The following BACH1 variants were observed in gnomAD, a reference collection of about 807,000 sequenced individuals.
The protein encoded by BACH1 is transcription regulator protein BACH1.
In BACH1, 35 loss-of-function variants were observed where a neutral mutation model predicts 52.9. The observed-to-expected ratio is 0.66, with a 90% confidence interval of 0.51 to 0.88. The LOEUF is 0.88. Ranked by LOEUF, BACH1 falls within the 40% of genes least tolerant of loss-of-function variation. The pLI, the probability that BACH1 is intolerant of heterozygous loss-of-function variation, is 0.00. For synonymous variants in BACH1, 321 were observed against 319.6 expected, an observed-to-expected ratio of 1.00 and a Z score of -0.05; for missense variants, 808 against 872.6, an observed-to-expected ratio of 0.93 and a Z score of 0.93.
chr21:29,352,838 A>G (rs1024182708), intron 2 of BACH1, among the ~76,000 whole-genome samples: 4 of 151,928 alleles, frequency 2.6e-5, no homozygotes, highest in Non-Finnish European at 5.9e-5. Flanking sequence ...CAGCCTCCCA[A>G]GTAGCTGGGA....
At chr21:29,325,929 A>G in intron 2 of BACH1, 130 bp from the exon 3 acceptor site, 2 of 1,007,538 alleles carry the variant, frequency 2.0e-6, no homozygotes, top group Non-Finnish European at 2.7e-6. Flanking sequence ...GTTTTCTTCA[A>G]ATTAAAGTAC....
chr21:29,352,486 A>G (rs920243353), intron 2 of BACH1: 1 of 152,172 alleles, frequency 6.6e-6, no homozygotes, highest in Non-Finnish European at 1.5e-5. Flanking sequence ...TCGATAGCAA[A>G]GTAAGACTGA....
At chr21:29,315,198 T>G (rs1233653387) in intron 1 of BACH1, among the ~76,000 whole-genome samples, 1 of 152,134 alleles carries the variant, frequency 6.6e-6, no homozygotes, top group African/African-American at 2.4e-5. Context: ...GCCATCCACT[T>G]GAAAAATTGA....
Position 29,344,521 on chromosome 21 carries a change from T to C in BACH1, c.*1688T>C, listed in dbSNP as rs1182601408. 1.3e-5 allele frequency: 2 copies of C among 152,644 alleles called. No homozygotes were observed. The highest frequency in any genetic ancestry group is 2.4e-5 in the African/African-American group (1 of 41,448). The allele number at this position is 152,644 out of a possible 1,614,324, so 9.5% of individuals were successfully genotyped here. ...GTATGTTCTCTCTGTCACTGACTTA[T>C]TTGTAAGAGAAAATTAGTTGGACTT... On this transcript the variant is annotated 3_prime_UTR_variant, in exon 5 of 5. Transcript: ENST00000286800.
At position 29,327,106 on chromosome 21, in the gene BACH1, A is replaced by G. The variant is rs745428812; in HGVS notation, c.1282A>G (p.Ile428Val). The change falls in exon 3 of 5, where the codon ATC becomes GTC. Residue 428 changes from isoleucine (I) to valine (V), a missense_variant. By Grantham distance (29) the Ile-to-Val change is conservative. Coordinates refer to ENST00000286800, the MANE Select transcript of BACH1 (RefSeq NM_001186.4). ...TGTGGCCAAAGATGGCTCAGAACAG[A>G]TCTCACAGAAACGGTCTGAGTGTCC... Reference protein sequence around the residue: ...PAVAKDGSEQISQKRSECPWL... With the variant: ...PAVAKDGSEQVSQKRSECPWL... 1.2e-6 allele frequency: 2 copies of G among 1,614,228 alleles called. No individual in the cohort carries two copies. Among genetic ancestry groups the G allele is most frequent in the Non-Finnish European group, 1.7e-6 (2 of 1,180,038 alleles).
rs532626668 is a variant in BACH1 at position 29,329,563 on chromosome 21, A to G, written c.1646A>G (p.Lys549Arg). Residue 549 changes from lysine to arginine, a missense_variant, in exon 4 of 5, where the codon AAG becomes AGG. Transcript: ENST00000286800. ...NDFQSLLKMH[K>R]LTPEQLDCIH... ...TTTCAGTCCTTGTTGAAAATGCACA[A>G]GCTTACTCCAGAACAGCTGGATTGT... 1.2e-6 allele frequency: 2 copies of G among 1,605,212 alleles called. No homozygotes were observed. The highest frequency in any genetic ancestry group is 2.2e-5 in the East Asian group (1 of 44,710).
chr21:29,324,322 A>C (rs2088884080), intron 2 of BACH1, among the ~76,000 whole-genome samples: 1 of 150,636 alleles, frequency 6.6e-6, no homozygotes, highest in Non-Finnish European at 1.5e-5. Context: ...TCCTGCCTAC[A>C]CTCCATGCCC....
intron 2 of BACH1, among the ~76,000 whole-genome samples, chr21:29,355,895 C>A (rs1398535691): frequency 2.0e-5 from 3 of 152,208 alleles, no homozygotes; most frequent in African/African-American, 4.8e-5. Flanking sequence ...GCATCTCTTA[C>A]TATCCCTGAC....
chr21:29,353,370 G>A (rs776283797), intron 2 of BACH1, among the ~76,000 whole-genome samples: 9 of 151,842 alleles, frequency 5.9e-5, no homozygotes, highest in African/African-American at 1.4e-4. Context: ...CAGCTAGCAC[G>A]CAATAAGCTT....
intron 2 of BACH1, among the ~76,000 whole-genome samples, chr21:29,353,290 C>T (rs1249040373): frequency 6.6e-6 from 1 of 152,142 alleles, no homozygotes; most frequent in Non-Finnish European, 1.5e-5. Flanking sequence ...AATAACCAAT[C>T]TTGTATGGTT....
At chr21:29,360,130 C>G (rs1412447453) in intron 2 of BACH1, among the ~76,000 whole-genome samples, 4 of 152,112 alleles carry the variant, frequency 2.6e-5, no homozygotes, top group Non-Finnish European at 4.4e-5. Context: ...ACCAATGTAC[C>G]TCTTATGCAT....
At chr21:29,327,719 G>T (rs1038186951) in intron 3 of BACH1, among the ~76,000 whole-genome samples, 1 of 152,208 alleles carries the variant, frequency 6.6e-6, no homozygotes, top group Admixed American at 6.5e-5. Context: ...TACTCGAGAG[G>T]CTGAGGCAGG....
At chr21:29,304,606 T>C (rs1866187772) in intron 1 of BACH1, among the ~76,000 whole-genome samples, 1 of 152,226 alleles carries the variant, frequency 6.6e-6, no homozygotes, top group Admixed American at 6.5e-5. Context: ...AGCCTACCTC[T>C]AAGGCTGTAG....
In BACH1 at chr21:29,352,912, C is replaced by T. The variant is rs190484046; in HGVS notation, c.472+23219C>T. Among the ~76,000 whole-genome samples the T allele has an allele frequency of 1.2e-3, 176 of 152,028 alleles. 1 individual carries two copies. The South Asian group carries it at 0.012, about 11-fold the overall frequency. On this transcript the variant is annotated intron_variant, in intron 2 of 4. Coordinates refer to the BACH1 transcript ENST00000422809. ...TTTTTTAGTAGAGATGGGGTTTCAC[C>T]GTGTTGGCCAGGCCAGTCTTGAACT...
rs560316722 is a variant in BACH1 at position 29,321,620 on chromosome 21, G to A, written c.234+106G>A. ...AGTCTCCTTGTCAGGTGGCTATGGAGCATTTCCCAGGTTCTGTGCAACCCC... is the reference window on the plus strand; with the variant it reads ...AGTCTCCTTGTCAGGTGGCTATGGAACATTTCCCAGGTTCTGTGCAACCCC... On this transcript the variant is annotated intron_variant, in intron 2 of 4. Transcript: ENST00000286800. 6.6e-5 allele frequency: 62 copies of A among 944,284 alleles called. 1 individual carries two copies. In the East Asian group the frequency reaches 1.7e-3, roughly 26 times the overall value. The allele number at this position is 944,284 out of a possible 1,614,324, so 58.5% of individuals were successfully genotyped here.
intron 2 of BACH1, chr21:29,351,890 C>T (rs1428899755): frequency 2.6e-6 from 1 of 389,808 alleles, no homozygotes; most frequent in Non-Finnish European, 5.2e-6. Flanking sequence ...CAGACAGCTG[C>T]CAGCATACTT....
chr21:29,308,474 C>T (rs939227921), intron 1 of BACH1, among the ~76,000 whole-genome samples: 2 of 152,080 alleles, frequency 1.3e-5, no homozygotes, highest in African/African-American at 4.8e-5. Flanking sequence ...AAATTGTTAA[C>T]ATTCTTTTTT....
intron 1 of BACH1, among the ~76,000 whole-genome samples, chr21:29,309,879 G>T (rs1051136870): frequency 6.6e-6 from 1 of 152,088 alleles, no homozygotes; most frequent in African/African-American, 2.4e-5. Flanking sequence ...AGAGGGCTTC[G>T]TGAGACAGAT....
At chr21:29,304,172 C>G (rs1424786177) in intron 1 of BACH1, among the ~76,000 whole-genome samples, 3 of 148,114 alleles carry the variant, frequency 2.0e-5, no homozygotes, top group African/African-American at 7.5e-5. Flanking sequence ...GTCGCTCAGG[C>G]TGGAGTGCAG....
Sources: gnomAD v4.1 joint callset for allele counts (sites outside exome capture counted in the v4.1 genomes callset) on GRCh38, gnomAD v4.1.1 for gene constraint, MANE v1.5 for transcripts, NCBI Gene and HGNC (gene_info 2026-07-23, HGNC 2026-07-21) for gene names.